RASD1: variants seen among roughly 807,000 people sequenced by gnomAD.
RASD1 encodes dexamethasone-induced Ras-related protein 1.
A neutral mutation model predicts 16.7 loss-of-function variants in RASD1; 13 were observed. The observed-to-expected ratio is 0.78, with a 90% CI of 0.51 to 1.24. RASD1 has a LOEUF of 1.24. RASD1 is among the 50% of genes most tolerant of loss of function. RASD1 has a pLI of 0.00. For synonymous variants in RASD1, 170 were observed against 172.6 expected (o/e 0.98, Z 0.12); for missense variants, 397 against 407.5 (o/e 0.97, Z 0.22).
intron 1 of RASD1, 73 bp downstream of exon 1, chr17:17,495,823 C>T: frequency 1.3e-6 from 2 of 1,488,992 alleles, no homozygotes; most frequent in Non-Finnish European, 1.8e-6. Context: ...GGCAGCCGGA[C>T]CGGCGCTCGC....
Position 17,495,446 on chromosome 17 carries a change from C to A in RASD1, c.525G>T (p.Glu175Asp), listed in dbSNP as rs1414229910. Residue 175 changes from glutamate (E) to aspartate (D), a missense_variant, in exon 2 of 2, where the codon GAG (glutamate) becomes GAT (aspartate). Glu to Asp is a conservative substitution (Grantham distance 45). Transcript: ENST00000225688. Reference sequence around the variant, plus strand: ...GGCTGCTGTTCTTCTTGGCCGAGATCTCGAAGTAGGCGCAGCGCTGGGGGT... The same window carrying A: ...GGCTGCTGTTCTTCTTGGCCGAGATATCGAAGTAGGCGCAGCGCTGGGGGT... ...GDDPQRCAYF[E>D]ISAKKNSSLD... is the part of the protein sequence containing the mutation. The A allele has an allele frequency of 3.1e-6, 5 of 1,608,204 alleles. No individual in the cohort carries two copies. Among genetic ancestry groups the A allele is most frequent in the Middle Eastern group, 1.7e-4 (1 of 6,052 alleles).
intron 1 of RASD1, 25 bp downstream of exon 1, chr17:17,495,871 C>T (rs1374412498): frequency 5.0e-6 from 8 of 1,585,790 alleles, no homozygotes; most frequent in Admixed American, 1.7e-5. Context: ...CCTTCCCTCC[C>T]GCACCTGCCC....
Position 17,495,729 on chromosome 17 carries a change from C to T in RASD1, c.287-45G>A, listed in dbSNP as rs946698326. The T allele has an allele frequency of 6.5e-6, 10 of 1,534,456 alleles. No individual in the cohort carries two copies. The South Asian group carries it at 1.0e-4, about 16-fold the overall frequency. The stretch of plus-strand genomic sequence containing the variant: ...CAGAAAAGGAGAAGGTGAGGGTGGC[C>T]GCCCAGGGGACAAGTCGGGCTGACT... On this transcript the variant is annotated intron_variant, in intron 1 of 1. Transcript: ENST00000225688.
chr17:17,495,260 G>C lies in RASD1; in HGVS notation c.711C>G (p.Gly237=). ...LLRAGSGGGG[G]DPGDAFGIVA... ...CGATGCCAAAGGCGTCGCCCGGGTC[G>C]CCGCCGCCGCCGCCGCTGCCGGCCC... Residue 237 remains glycine, a synonymous_variant, in exon 2 of 2, where the codon GGC becomes GGG. Coordinates refer to ENST00000225688, the MANE Select transcript of RASD1 (RefSeq NM_016084.5). 6.4e-7 allele frequency: 1 copy of C among 1,551,074 alleles called. No individual in the cohort carries two copies. Among genetic ancestry groups the C allele is most frequent in the Non-Finnish European group, 8.7e-7 (1 of 1,150,888 alleles).
In RASD1 at chr17:17,496,197, CGAGGGCGGGCGCGGGGCCGA is replaced by C. The variant is rs1905434237; in HGVS notation, c.-36_-17del. On this transcript the variant is annotated 5_prime_UTR_variant, in exon 1 of 2. Transcript: ENST00000225688. ...CCAGTTTCATTGGGCAGAGGGGCCG[CGAGGGCGGGCGCGGGGCCGA>C]GAGAAGGGCAGAGAGCGGCTGAGGG... 6.4e-7 allele frequency: 1 copy of C among 1,569,400 alleles called. No homozygotes were observed. Among genetic ancestry groups the C allele is most frequent in the African/African-American group, 1.4e-5 (1 of 73,660 alleles).
Position 17,495,199 on chromosome 17 carries a change from C to T in RASD1, c.772G>A (p.Asp258Asn). 6.2e-7 allele frequency: 1 copy of T among 1,611,500 alleles called. No individual in the cohort carries two copies. Among genetic ancestry groups the T allele is most frequent in the Non-Finnish European group, 8.5e-7 (1 of 1,179,652 alleles). Residue 258 changes from aspartate to asparagine, a missense_variant, in exon 2 of 2, where the codon GAC (aspartate) becomes AAC (asparagine). Asp to Asn is a conservative substitution (Grantham distance 23). Transcript: ENST00000225688. ...GCCTTCTCGCGGATGTACATGAGGT[C>T]GCTGTGTACGCTGGGCCGGCGCGCG... ...PFARRPSVHS[D>N]LMYIREKASA...
In RASD1 at chr17:17,494,968, C is replaced by T. The variant is rs1468297908; in HGVS notation, c.*157G>A. 6 of 916,546 alleles carry T rather than the reference C, an allele frequency of 6.5e-6. No homozygotes were observed. The highest frequency in any genetic ancestry group is 1.7e-5 in the African/African-American group (1 of 57,578). The allele number at this position is 916,546 out of a possible 1,614,324, so 56.8% of individuals were successfully genotyped here. A position where few individuals can be genotyped will look rare whatever the true frequency, so the allele number is the denominator to read the frequency against. ...TTCCTTCCGGAGCAGATGACCGTCC[C>T]TTCTCGGTTCAGTGGCGCCTCCCCA... On this transcript the variant is annotated 3_prime_UTR_variant, in exon 2 of 2. Transcript: ENST00000225688.
chr17:17,495,778 G>A, intron 1 of RASD1, 94 bp from the exon 2 acceptor site: 1 of 1,456,086 alleles, frequency 6.9e-7, no homozygotes, highest in Non-Finnish European at 9.1e-7. Flanking sequence ...GGGCGCGCTA[G>A]CCTCTCTAAG....
rs1225965391 is a variant in RASD1, at chr17:17,495,547, T to A, written c.424A>T (p.Ile142Phe). The A allele has an allele frequency of 1.2e-6, 2 of 1,612,928 alleles. No individual in the cohort carries two copies. The highest frequency in any genetic ancestry group is 3.3e-5 in the Admixed American group (2 of 59,982). The change falls in exon 2 of 2, where the codon ATC becomes TTC. Residue 142 changes from isoleucine (I) to phenylalanine (F), a missense_variant. By Grantham distance (21) the Ile-to-Phe change is conservative. Transcript: ENST00000225688. ...TKENVDVPLVICGNKGDRDFY... is the reference protein window; with the variant it reads ...TKENVDVPLVFCGNKGDRDFY... ...TCGCGGTCACCCTTGTTGCCGCAGA[T>A]GACCAGGGGCACGTCCACGTTCTCC...
In RASD1 at chr17:17,495,156, G is replaced by T; in HGVS notation, c.815C>A (p.Ala272Asp). 1 of 1,611,720 alleles carries T rather than the reference G, an allele frequency of 6.2e-7. No individual in the cohort carries two copies. Among genetic ancestry groups the T allele is most frequent in the Non-Finnish European group, 8.5e-7 (1 of 1,179,704 alleles). ...IREKASAGSQ[A>D]KDKERCVIS ...GATGACGCAGCGCTCCTTGTCCTTGGCCTGGCTGCCGGCGCTGGCCTTCTC... is the reference window on the plus strand; with the variant it reads ...GATGACGCAGCGCTCCTTGTCCTTGTCCTGGCTGCCGGCGCTGGCCTTCTC... Residue 272 changes from alanine to aspartate, a missense_variant, in exon 2 of 2, where the codon GCC becomes GAC. Ala to Asp is a moderately radical substitution (Grantham distance 126). Transcript: ENST00000225688.
Position 17,495,533 on chromosome 17 carries a change from C to G in RASD1, c.438G>C (p.Lys146Asn). The change falls in exon 2 of 2, where the codon AAG becomes AAC. Residue 146 changes from lysine (K) to asparagine (N), a missense_variant. By Grantham distance (94) the Lys-to-Asn change is moderately conservative (BLOSUM62 0). Coordinates refer to ENST00000225688, the MANE Select transcript of RASD1 (RefSeq NM_016084.5). ...CCTCGCGGTAGAAGTCGCGGTCACC[C>G]TTGTTGCCGCAGATGACCAGGGGCA... is the stretch of plus-strand genomic sequence containing the variant. ...VDVPLVICGN[K>N]GDRDFYREVD... 1.2e-6 allele frequency: 2 copies of G among 1,612,538 alleles called. No homozygotes were observed. The highest frequency in any genetic ancestry group is 1.1e-5 in the South Asian group (1 of 90,872).
At position 17,496,387 on chromosome 17, in the gene RASD1, G is replaced by T. The variant is rs1262061319; in HGVS notation, c.-206C>A. The T allele has an allele frequency of 7.8e-6, 4 of 512,152 alleles. No individual in the cohort carries two copies. Among genetic ancestry groups the T allele is most frequent in the Non-Finnish European group, 1.3e-5 (4 of 306,186 alleles). 31.7% of individuals were successfully genotyped at this position (512,152 alleles called of 1,614,324 possible). A position where few individuals can be genotyped will look rare whatever the true frequency, so the allele number is the denominator to read the frequency against. ...TTCTCCCAGGATCTGGGCACAGGCC[G>T]CTTGCTCTGGCTTTGGCGCCCGGCC... is the stretch of plus-strand genomic sequence containing the variant. On this transcript the variant is annotated 5_prime_UTR_variant, in exon 1 of 2. Coordinates refer to ENST00000225688, the MANE Select transcript of RASD1 (RefSeq NM_016084.5).
Position 17,495,413 on chromosome 17 carries a change from C to T in RASD1, c.558G>A (p.Gln186=). The part of the protein sequence containing the change: ...ISAKKNSSLD[Q]MFRALFAMAK... ...CCATGGCGAAGAGCGCGCGGAACATCTGGTCCAGGCTGCTGTTCTTCTTGG... is the reference window on the plus strand; with the variant it reads ...CCATGGCGAAGAGCGCGCGGAACATTTGGTCCAGGCTGCTGTTCTTCTTGG... Residue 186 remains glutamine, a synonymous_variant, in exon 2 of 2, where the codon CAG becomes CAA. Transcript: ENST00000225688. 6.2e-7 allele frequency: 1 copy of T among 1,605,620 alleles called. No individual in the cohort carries two copies. The highest frequency in any genetic ancestry group is 1.3e-5 in the African/African-American group (1 of 74,946).
Position 17,494,966 on chromosome 17 carries a change from C to G in RASD1, c.*159G>C. 1 of 886,206 alleles carries G rather than the reference C, an allele frequency of 1.1e-6. No homozygotes were observed. 54.9% of individuals were successfully genotyped at this position (886,206 alleles called of 1,614,324 possible). ...CTTTCCTTCCGGAGCAGATGACCGT[C>G]CCTTCTCGGTTCAGTGGCGCCTCCC... On this transcript the variant is annotated 3_prime_UTR_variant, in exon 2 of 2. Transcript: ENST00000225688.
chr17:17,495,262 C>T lies in RASD1; in HGVS notation c.709G>A (p.Gly237Ser), dbSNP rs781272014. 1.7e-5 allele frequency: 26 copies of T among 1,558,050 alleles called. No homozygotes were observed. Among genetic ancestry groups the T allele is most frequent in the Non-Finnish European group, 2.0e-5 (23 of 1,153,486 alleles). The change falls in exon 2 of 2, where the codon GGC (glycine) becomes AGC (serine). Residue 237 changes from glycine (G) to serine (S), a missense_variant. Gly to Ser is a moderately conservative substitution (Grantham distance 56). Transcript: ENST00000225688. ...LLRAGSGGGG[G>S]DPGDAFGIVA... ...ATGCCAAAGGCGTCGCCCGGGTCGC[C>T]GCCGCCGCCGCCGCTGCCGGCCCGC...
rs1555534921 is a variant in RASD1, at chr17:17,495,219, C to T, written c.752G>A (p.Arg251His). 6.2e-7 allele frequency: 1 copy of T among 1,609,854 alleles called. No individual in the cohort carries two copies. The highest frequency in any genetic ancestry group is 8.5e-7 in the Non-Finnish European group (1 of 1,179,040). The change falls in exon 2 of 2, where the codon CGC (arginine) becomes CAC (histidine). Residue 251 changes from arginine (R) to histidine (H), a missense_variant. By Grantham distance (29) the Arg-to-His change is conservative. Coordinates refer to ENST00000225688, the MANE Select transcript of RASD1 (RefSeq NM_016084.5). The part of the protein sequence containing the change: ...DAFGIVAPFA[R>H]RPSVHSDLMY... ...GAGGTCGCTGTGTACGCTGGGCCGGCGCGCGAAGGGTGCCACGATGCCAAA... is the reference window on the plus strand; with the variant it reads ...GAGGTCGCTGTGTACGCTGGGCCGGTGCGCGAAGGGTGCCACGATGCCAAA...
In RASD1 at chr17:17,496,032, C is replaced by A; in HGVS notation, c.150G>T (p.Glu50Asp). 1 of 1,614,062 alleles carries A rather than the reference C, an allele frequency of 6.2e-7. No individual in the cohort carries two copies. The highest frequency in any genetic ancestry group is 8.5e-7 in the Non-Finnish European group (1 of 1,180,006). The change falls in exon 1 of 2, where the codon GAG (glutamate) becomes GAT (aspartate). Residue 50 changes from glutamate to aspartate, a missense_variant. Physicochemically the swap from Glu to Asp is conservative, Grantham distance 45 (BLOSUM62 2). Transcript: ENST00000225688. ...IVSRFLTGRF[E>D]DAYTPTIEDF... ...CCTCGATGGTAGGCGTGTAGGCGTC[C>A]TCGAAGCGGCCGGTGAGGAAGCGCG...
In RASD1 at chr17:17,495,491, G is replaced by T; in HGVS notation, c.480C>A (p.Ile160=). 6.2e-7 allele frequency: 1 copy of T among 1,611,028 alleles called. No homozygotes were observed. The highest frequency in any genetic ancestry group is 8.5e-7 in the Non-Finnish European group (1 of 1,179,058). Residue 160 remains isoleucine (I), a synonymous_variant, in exon 2 of 2, where the codon ATC becomes ATA. Transcript: ENST00000225688. ...DFYREVDQRE[I]EQLVGDDPQR... ...GGGGGTCGTCGCCCACCAGCTGCTCGATCTCGCGCTGGTCCACCTCGCGGT... is the reference window on the plus strand; with the variant it reads ...GGGGGTCGTCGCCCACCAGCTGCTCTATCTCGCGCTGGTCCACCTCGCGGT...
Position 17,495,690 on chromosome 17 carries a change from G to C in RASD1, c.287-6C>G. Reference sequence around the variant, plus strand: ...CACCAGGATGAAAACGTCTCCTAGAGGGGGCACAGAGAGCAGAAAAGGAGA... The same window carrying C: ...CACCAGGATGAAAACGTCTCCTAGACGGGGCACAGAGAGCAGAAAAGGAGA... On this transcript the variant is annotated splice_region_variant and splice_polypyrimidine_tract_variant and intron_variant, in intron 1 of 1. Coordinates refer to ENST00000225688, the MANE Select transcript of RASD1 (RefSeq NM_016084.5). The C allele has an allele frequency of 3.1e-6, 5 of 1,600,740 alleles. No homozygotes were observed. Among genetic ancestry groups the C allele is most frequent in the Non-Finnish European group, 4.3e-6 (5 of 1,172,670 alleles).
Sources: allele counts gnomAD v4.1 joint callset, GRCh38; gene constraint gnomAD v4.1.1; transcripts MANE v1.5; gene names NCBI Gene and HGNC (gene_info 2026-07-23, HGNC 2026-07-21).